Variants in NOL9 observed in about 807,000 individuals in gnomAD.
The protein encoded by NOL9 is nucleolar protein 9.
In NOL9, 28 loss-of-function variants were observed where a neutral mutation model predicts 67.9. That is an observed-to-expected ratio of 0.41 (90% CI 0.31 to 0.57). The LOEUF is 0.57. Among genes scored for constraint, NOL9 ranks in the 20% least tolerant of loss-of-function variants. NOL9 has a pLI of 0.25. For synonymous variants in NOL9, 356 were observed against 352.2 expected (o/e 1.01, Z -0.12); for missense variants, 777 against 897.0 (o/e 0.87, Z 1.71).
chr1:6,548,971 A>G (rs956857046), intron 3 of NOL9, among the ~76,000 whole-genome samples: 3 of 152,158 alleles, frequency 2.0e-5, no homozygotes, highest in African/African-American at 7.2e-5. Flanking sequence ...GGTCCTAGCT[A>G]CTTGGGAGGC....
At chr1:6,531,879 A>G in intron 9 of NOL9, 89 bp downstream of exon 9, 1 of 928,762 alleles carries the variant, frequency 1.1e-6, no homozygotes, top group Non-Finnish European at 1.8e-6. Flanking sequence ...GCGAGGAGTT[A>G]TGTAGTGGTT....
chr1:6,527,016 C>T (rs924952690), intron 10 of NOL9, among the ~76,000 whole-genome samples, 187 bp from the exon 11 acceptor site: 3 of 152,006 alleles, frequency 2.0e-5, no homozygotes, highest in African/African-American at 4.8e-5. Flanking sequence ...GAGGCCGAGG[C>T]GGGTGGACTA....
intron 11 of NOL9, among the ~76,000 whole-genome samples, chr1:6,526,471 G>A (rs571123116): frequency 2.8e-4 from 43 of 152,244 alleles, no homozygotes; most frequent in African/African-American, 7.5e-4. Context: ...GCTCCACCAC[G>A]GGTTGCAGTG....
At chr1:6,528,397 G>A (rs1167934782) in intron 10 of NOL9, among the ~76,000 whole-genome samples, 1 of 152,118 alleles carries the variant, frequency 6.6e-6, no homozygotes, top group Non-Finnish European at 1.5e-5. Context: ...GAGAAGAGGT[G>A]GAAGAAGCTG....
At chr1:6,553,269 G>C (rs1570092741) in intron 1 of NOL9, among the ~76,000 whole-genome samples, 2 of 152,164 alleles carry the variant, frequency 1.3e-5, no homozygotes, top group African/African-American at 2.4e-5. Flanking sequence ...GAACTTCCTG[G>C]GTTTTGCCTT....
intron 5 of NOL9, among the ~76,000 whole-genome samples, chr1:6,543,589 T>G (rs1266998018): frequency 6.6e-6 from 1 of 152,168 alleles, no homozygotes; most frequent in Non-Finnish European, 1.5e-5. Context: ...AGACTCGAAC[T>G]CCTTGGCTCA....
At chr1:6,553,477 T>C (rs555929699) in intron 1 of NOL9, among the ~76,000 whole-genome samples, 2 of 152,232 alleles carry the variant, frequency 1.3e-5, no homozygotes, top group South Asian at 2.1e-4. Context: ...TAAAACACTT[T>C]TGGAACCCTT....
In NOL9 at chr1:6,524,348, T is replaced by C. The variant is rs1440882646; in HGVS notation, c.*1506A>G. 2 of 152,206 alleles carry C rather than the reference T, an allele frequency of 1.3e-5. No individual in the cohort carries two copies. Among genetic ancestry groups the C allele is most frequent in the African/African-American group, 2.4e-5 (1 of 41,440 alleles). The allele number at this position is 152,206 out of a possible 1,614,324, so 9.4% of individuals were successfully genotyped here. ...AATTCTGTCAAAGCGGTGGTCACAA[T>C]ACCAGTTTGAACCTCAGCCCCAGGA... On this transcript the variant is annotated 3_prime_UTR_variant, in exon 12 of 12. Transcript: ENST00000377705.
intron 10 of NOL9, 36 bp downstream of exon 10, chr1:6,528,958 A>G: frequency 1.9e-6 from 3 of 1,601,646 alleles, no homozygotes; most frequent in Non-Finnish European, 2.6e-6. Flanking sequence ...GATCCTTTTC[A>G]GTAGGTTTAT....
Position 6,532,634 on chromosome 1 carries a change from C to T in NOL9, c.1364G>A (p.Gly455Asp). ...LTPQYVDDMDGLYTKSKTKMR... is the reference protein window; with the variant it reads ...LTPQYVDDMDDLYTKSKTKMR... ...CTTGGTCTTGCTTTTTGTGTACAAG[C>T]CATCCATGTCATCTACATACTGCGG... is the stretch of plus-strand genomic sequence containing the variant. Residue 455 changes from glycine to aspartate, a missense_variant, in exon 8 of 12, where the codon GGC (glycine) becomes GAC (aspartate). Around this residue, in one of 2 missense-constraint regions of NOL9, gnomAD observed 413 missense variants for 552.6 expected, o/e 0.75. Coordinates refer to ENST00000377705, the MANE Select transcript of NOL9 (RefSeq NM_024654.5). The T allele has an allele frequency of 6.2e-7, 1 of 1,614,138 alleles. No homozygotes were observed. Among genetic ancestry groups the T allele is most frequent in the Non-Finnish European group, 8.5e-7 (1 of 1,180,036 alleles).
At position 6,549,706 on chromosome 1, in the gene NOL9, G is replaced by C; in HGVS notation, c.617-8C>G. ...TCGACCAACGCCTGTCATCTGTAAA[G>C]AGAAAAATAAACCACCTTAGAAGCA... is the stretch of plus-strand genomic sequence containing the variant. On this transcript the variant is annotated splice_region_variant and splice_polypyrimidine_tract_variant and intron_variant, in intron 2 of 11. Transcript: ENST00000377705. 1 of 1,612,806 alleles carries C rather than the reference G, an allele frequency of 6.2e-7. No individual in the cohort carries two copies. The highest frequency in any genetic ancestry group is 8.5e-7 in the Non-Finnish European group (1 of 1,179,772).
intron 6 of NOL9, among the ~76,000 whole-genome samples, chr1:6,540,140 T>TTTTTTG (rs58795074): frequency 6.8e-6 from 1 of 145,986 alleles, no homozygotes. Flanking sequence ...TTTTTTTTTT[T>TTTTTTG]GAGACAGAGT....
rs534081375 is a variant in NOL9 at position 6,553,981 on chromosome 1, G to C, written c.396+126C>G. The C allele has an allele frequency of 1.1e-4, 81 of 741,312 alleles. 2 individuals are homozygous for C. In the Middle Eastern group the frequency reaches 2.0e-3, roughly 18 times the overall value. 45.9% of individuals were successfully genotyped at this position (741,312 alleles called of 1,614,324 possible). A position where few individuals can be genotyped will look rare whatever the true frequency, so the allele number is the denominator to read the frequency against. On this transcript the variant is annotated intron_variant, in intron 1 of 11. Transcript: ENST00000377705. Reference sequence around the variant, plus strand: ...CACCAACCATCAAGAGGATGGACTTGAATCCGACTGGCAGCCAGAGAACAG... The same window carrying C: ...CACCAACCATCAAGAGGATGGACTTCAATCCGACTGGCAGCCAGAGAACAG...
In NOL9 at chr1:6,532,585, G is replaced by A. The variant is rs140885322; in HGVS notation, c.1413C>T (p.Leu471=). ...KTKMRNRRFR[L]AAFADALEFA... ...ATTCCAAAGCATCTGCAAATGCTGC[G>A]AGTCTGAAACGTCGATTTCTCATCT... Residue 471 remains leucine (L), a synonymous_variant, in exon 8 of 12, where the codon CTC becomes CTT. Transcript: ENST00000377705. The A allele has an allele frequency of 5.1e-4, 824 of 1,614,142 alleles. 12 individuals carry two copies. The South Asian group carries it at 6.1e-3, about 12-fold the overall frequency.
chr1:6,525,695 A>G lies in NOL9; in HGVS notation c.*159T>C. ...TAGCTCATGCAGCTTTAAAAGAGAA[A>G]CTTAAGACTACTATATGACATTCAC... On this transcript the variant is annotated 3_prime_UTR_variant, in exon 12 of 12. Transcript: ENST00000377705. 1 of 745,558 alleles carries G rather than the reference A, an allele frequency of 1.3e-6. No individual in the cohort carries two copies. The allele number at this position is 745,558 out of a possible 1,614,324, so 46.2% of individuals were successfully genotyped here.
chr1:6,553,769 G>C (rs1267864294), intron 1 of NOL9, among the ~76,000 whole-genome samples: 1 of 152,154 alleles, frequency 6.6e-6, no homozygotes, highest in African/African-American at 2.4e-5. Context: ...TTCAACCCGG[G>C]ATGCGGAGGT....
At chr1:6,534,215 G>A (rs1322484898) in intron 6 of NOL9, among the ~76,000 whole-genome samples, 1 of 152,126 alleles carries the variant, frequency 6.6e-6, no homozygotes, top group African/African-American at 2.4e-5. Flanking sequence ...TAACCCTGTG[G>A]CAGGTAGTAG....
At chr1:6,549,370 T>C (rs919172792) in intron 3 of NOL9, 8 of 503,952 alleles carry the variant, frequency 1.6e-5, no homozygotes, top group African/African-American at 1.2e-4. Flanking sequence ...GTGGCTCAGG[T>C]ATGAAACTAA....
Position 6,550,693 on chromosome 1 carries a change from T to TG in NOL9, c.397-79_397-78insC, listed in dbSNP as rs1639527028. ...GAAACATTCTAAAATCTTTTTTTTT[T>TG]TTTTTTTGAGATGGAGTTTTGCTCT... is the stretch of plus-strand genomic sequence containing the variant. On this transcript the variant is annotated intron_variant, in intron 1 of 11. Coordinates refer to ENST00000377705, the MANE Select transcript of NOL9 (RefSeq NM_024654.5). 21 of 1,228,582 alleles carry TG rather than the reference T, an allele frequency of 1.7e-5. No homozygotes were observed. The Admixed American group carries it at 4.4e-4, about 26-fold the overall frequency. 76.1% of individuals were successfully genotyped at this position (1,228,582 alleles called of 1,614,324 possible).
Sources: gnomAD v4.1 joint callset for allele counts (sites outside exome capture counted in the v4.1 genomes callset) on GRCh38, gnomAD v4.1.1 for gene constraint, gnomAD v4.1.1 regional missense constraint, MANE v1.5 for transcripts, NCBI Gene and HGNC (gene_info 2026-07-23, HGNC 2026-07-21) for gene names.